YAP1: variants seen among roughly 807,000 people sequenced by gnomAD.
The protein encoded by YAP1 is transcriptional coactivator YAP1.
In YAP1, 5 loss-of-function variants were observed where a neutral mutation model predicts 56.9. That is an observed-to-expected ratio of 0.09 (90% CI 0.05 to 0.18). YAP1 has a LOEUF of 0.18. Ranked by LOEUF, YAP1 falls within the 10% of genes least tolerant of loss-of-function variation. YAP1 has a pLI of 1.00. For missense variants in YAP1, 539 were observed against 651.8 expected, an observed-to-expected ratio of 0.83 and a Z score of 1.88; for synonymous variants, 265 against 248.1, an observed-to-expected ratio of 1.07 and a Z score of -0.64.
At chr11:102,118,338 TA>T (rs1943423998) in intron 2 of YAP1, among the ~76,000 whole-genome samples, 1 of 152,178 alleles carries the variant, frequency 6.6e-6, no homozygotes, top group Non-Finnish European at 1.5e-5. Context: ...GTATACAATT[TA>T]AAAAGGATAT....
intron 3 of YAP1, among the ~76,000 whole-genome samples, chr11:102,177,218 T>C (rs1293360463): frequency 6.6e-6 from 1 of 152,092 alleles, no homozygotes; most frequent in Non-Finnish European, 1.5e-5. Flanking sequence ...GCATGTTGGA[T>C]GCTTTCAGTA....
Position 102,229,789 on chromosome 11 carries a change from T to G in YAP1, c.1364T>G (p.Leu455Arg). The change falls in exon 9 of 9, where the codon CTT (leucine) becomes CGT (arginine). Residue 455 changes from leucine (L) to arginine (R), a missense_variant. This residue lies in a region of YAP1 where 414 missense variants were observed against 512.4 expected (regional missense o/e 0.81). Transcript: ENST00000282441. ...GCCATTCCTGGGACAAATGTGGACCTTGGAACACTGGAAGGAGATGGAATG... is the reference window on the plus strand; with the variant it reads ...GCCATTCCTGGGACAAATGTGGACCGTGGAACACTGGAAGGAGATGGAATG... The part of the protein sequence containing the change: ...LEAIPGTNVD[L>R]GTLEGDGMNI... The G allele has an allele frequency of 6.2e-7, 1 of 1,614,134 alleles. No homozygotes were observed. Among genetic ancestry groups the G allele is most frequent in the Non-Finnish European group, 8.5e-7 (1 of 1,179,988 alleles).
chr11:102,112,770 G>A (rs1426875433), intron 1 of YAP1: 2 of 985,166 alleles, frequency 2.0e-6, no homozygotes, highest in Non-Finnish European at 2.4e-6. Flanking sequence ...CTTACCCCTC[G>A]AAGTGGGTTT....
chr11:102,123,870 G>A (rs866600022), intron 2 of YAP1, among the ~76,000 whole-genome samples: 20 of 151,810 alleles, frequency 1.3e-4, no homozygotes, highest in Non-Finnish European at 2.2e-4. Context: ...CTCGTGATCC[G>A]CCCACCTTGG....
chr11:102,114,665 A>G (rs1372043602), intron 2 of YAP1, among the ~76,000 whole-genome samples: 1 of 152,176 alleles, frequency 6.6e-6, no homozygotes, highest in South Asian at 2.1e-4. Context: ...GGTTATTCTC[A>G]TTTTGAGCTT....
At chr11:102,219,898 A>AT (rs1279978806) in intron 6 of YAP1, among the ~76,000 whole-genome samples, 3 of 151,756 alleles carry the variant, frequency 2.0e-5, no homozygotes, top group African/African-American at 7.2e-5. Flanking sequence ...CGCCTGGCTA[A>AT]TTTTTTTATA....
At chr11:102,124,155 G>T in intron 2 of YAP1, among the ~76,000 whole-genome samples, 1 of 151,470 alleles carries the variant, frequency 6.6e-6, no homozygotes, top group Non-Finnish European at 1.5e-5. Context: ...GTTTCACCAT[G>T]TTGGCCAGGT....
intron 2 of YAP1, among the ~76,000 whole-genome samples, chr11:102,153,672 A>T (rs561026652): frequency 6.6e-6 from 1 of 152,196 alleles, no homozygotes; most frequent in African/African-American, 2.4e-5. Flanking sequence ...AAGAATTTCA[A>T]TGAAACTCCT....
At chr11:102,113,064 C>T (rs577099844) in intron 1 of YAP1, among the ~76,000 whole-genome samples, 38 of 152,134 alleles carry the variant, frequency 2.5e-4, no homozygotes, top group Admixed American at 1.2e-3. Flanking sequence ...TAATGATTTC[C>T]TAAATCATAC....
chr11:102,129,678 T>C (rs942680169), intron 2 of YAP1, among the ~76,000 whole-genome samples: 1 of 151,802 alleles, frequency 6.6e-6, no homozygotes, highest in African/African-American at 2.4e-5. Context: ...GTTAGGACCC[T>C]TTATTGTTTT....
intron 4 of YAP1, among the ~76,000 whole-genome samples, chr11:102,204,790 A>T (rs910505411): frequency 4.6e-5 from 7 of 152,210 alleles, no homozygotes; most frequent in African/African-American, 1.7e-4. Context: ...CTTGTATGGT[A>T]TCAAGGTTAT....
At chr11:102,118,617 G>A (rs1487234062) in intron 2 of YAP1, among the ~76,000 whole-genome samples, 1 of 151,616 alleles carries the variant, frequency 6.6e-6, no homozygotes, top group Non-Finnish European at 1.5e-5. Flanking sequence ...CGGGTGTGTT[G>A]GCGCACACCT....
At chr11:102,192,793 A>G (rs914596608) in intron 4 of YAP1, among the ~76,000 whole-genome samples, 4 of 152,222 alleles carry the variant, frequency 2.6e-5, no homozygotes, top group Admixed American at 2.6e-4. Flanking sequence ...TTATTGCACC[A>G]TTTAAGTTTA....
intron 6 of YAP1, among the ~76,000 whole-genome samples, chr11:102,219,725 A>C (rs1382957423): frequency 6.6e-6 from 1 of 151,836 alleles, no homozygotes; most frequent in Non-Finnish European, 1.5e-5. Flanking sequence ...GAAAAATCAA[A>C]GATTATACCT....
At chr11:102,125,374 T>C (rs1943969250) in intron 2 of YAP1, among the ~76,000 whole-genome samples, 1 of 120,316 alleles carries the variant, frequency 8.3e-6, no homozygotes, top group African/African-American at 2.9e-5. Flanking sequence ...TTTTCTTTTC[T>C]TTTCTTTTTT....
chr11:102,166,364 T>C (rs1303443389), intron 3 of YAP1, among the ~76,000 whole-genome samples: 2 of 152,228 alleles, frequency 1.3e-5, no homozygotes, highest in African/African-American at 4.8e-5. Context: ...TGTTTTGGAA[T>C]GAATGTCACT....
At chr11:102,204,062 T>C (rs1265570871) in intron 4 of YAP1, among the ~76,000 whole-genome samples, 1 of 152,030 alleles carries the variant, frequency 6.6e-6, no homozygotes, top group East Asian at 1.9e-4. Flanking sequence ...CTCTTTAATA[T>C]CCTTGGTTCT....
intron 2 of YAP1, among the ~76,000 whole-genome samples, chr11:102,158,681 TTA>T (rs1946097536): frequency 6.6e-6 from 1 of 152,228 alleles, no homozygotes; most frequent in South Asian, 2.1e-4. Flanking sequence ...TATATTATTT[TTA>T]GTTATTTATT....
At chr11:102,114,446 A>G in intron 2 of YAP1, 52 bp downstream of exon 2, 2 of 1,580,628 alleles carry the variant, frequency 1.3e-6, no homozygotes, top group Non-Finnish European at 1.7e-6. Flanking sequence ...TATGTATTGG[A>G]AAACACAGTA....
Sources: gnomAD v4.1 joint callset for allele counts (sites outside exome capture counted in the v4.1 genomes callset) on GRCh38, gnomAD v4.1.1 for gene constraint, gnomAD v4.1.1 regional missense constraint, MANE v1.5 for transcripts, NCBI Gene and HGNC (gene_info 2026-07-23, HGNC 2026-07-21) for gene names.